Variants in EVA1A observed in about 807,000 individuals in gnomAD.
EVA1A encodes the protein protein eva-1 homolog A.
In EVA1A, 7 loss-of-function variants were observed where a neutral mutation model predicts 9.8. That is an observed-to-expected ratio of 0.71 (90% CI 0.41 to 1.34). EVA1A has a LOEUF of 1.34. Ranked by LOEUF, EVA1A falls within the 40% of genes most tolerant of loss-of-function variation. The probability of loss-of-function intolerance (pLI) is 0.01; values close to 1 mark genes in which losing one functional copy is unlikely to be tolerated. For missense variants in EVA1A, 206 were observed against 205.9 expected (o/e 1.00, Z 0.00); for synonymous variants, 90 against 85.6 (o/e 1.05, Z -0.28).
At chr2:75,507,473 C>T (rs1475203124) in intron 3 of EVA1A, among the ~76,000 whole-genome samples, 3 of 152,152 alleles carry the variant, frequency 2.0e-5, no homozygotes, top group Admixed American at 2.0e-4. Context: ...AATGACTTTG[C>T]CCCTTTCAGT....
chr2:75,509,331 T>C (rs1015420845), intron 3 of EVA1A, among the ~76,000 whole-genome samples: 1 of 152,212 alleles, frequency 6.6e-6, no homozygotes, highest in African/African-American at 2.4e-5. Context: ...TGTAAGATTA[T>C]TGATGGGCTT....
At chr2:75,504,723 G>A (rs1572948990) in intron 3 of EVA1A, among the ~76,000 whole-genome samples, 1 of 149,774 alleles carries the variant, frequency 6.7e-6, no homozygotes, top group African/African-American at 2.5e-5. Flanking sequence ...CAAACACCAC[G>A]TGTTCTCACT....
At chr2:75,543,095 C>T (rs759842742) in intron 1 of EVA1A, among the ~76,000 whole-genome samples, 3 of 152,202 alleles carry the variant, frequency 2.0e-5, no homozygotes, top group Admixed American at 6.5e-5. Flanking sequence ...CCATACCACA[C>T]TGGGCATAAA....
At chr2:75,498,332 G>T (rs1163505292) in intron 3 of EVA1A, among the ~76,000 whole-genome samples, 1 of 151,794 alleles carries the variant, frequency 6.6e-6, no homozygotes, top group Non-Finnish European at 1.5e-5. Context: ...ACTATTAGAG[G>T]GGGAGGGTGG....
chr2:75,559,700 G>GGA (rs1249218820), intron 1 of EVA1A, among the ~76,000 whole-genome samples: 1 of 137,182 alleles, frequency 7.3e-6, no homozygotes, highest in Non-Finnish European at 1.6e-5. Flanking sequence ...AAGGAGGTGG[G>GGA]GGGGGGGCGG....
intron 1 of EVA1A, among the ~76,000 whole-genome samples, chr2:75,527,440 G>A (rs1421011768): frequency 6.6e-6 from 1 of 152,104 alleles, no homozygotes; most frequent in African/African-American, 2.4e-5. Context: ...TCTCCACTGG[G>A]GTGTCAGAGG....
chr2:75,504,032 A>G (rs1300694388), intron 3 of EVA1A, among the ~76,000 whole-genome samples: 1 of 152,170 alleles, frequency 6.6e-6, no homozygotes, highest in Non-Finnish European at 1.5e-5. Context: ...AAATTTTAAA[A>G]AGTGGGCATT....
rs534456930 is a variant in EVA1A, at chr2:75,546,535, C to CA, written c.-192+14144dup. On this transcript the variant is annotated intron_variant, in intron 1 of 3. Coordinates refer to ENST00000393913, the MANE Select transcript of EVA1A (RefSeq NM_001135032.2). ...AAATATAGACAAAATCTTCATGTCC[C>CA]AAGCAGTGTATATACGACGTGGATG... Among the ~76,000 whole-genome samples, 775 of 152,134 alleles carry CA rather than the reference C, an allele frequency of 5.1e-3. 6 individuals are homozygous for CA. Among genetic ancestry groups the CA allele is most frequent in the Middle Eastern group, 0.01 (3 of 292 alleles).
At chr2:75,508,563 A>G (rs1223345257) in intron 3 of EVA1A, among the ~76,000 whole-genome samples, 3 of 151,950 alleles carry the variant, frequency 2.0e-5, no homozygotes, top group Admixed American at 6.6e-5. Context: ...GGTACCCGAA[A>G]CTTCATTAGC....
At chr2:75,515,136 T>C (rs574961406) in intron 3 of EVA1A, among the ~76,000 whole-genome samples, 209 of 152,366 alleles carry the variant, frequency 1.4e-3, no homozygotes, top group African/African-American at 4.9e-3. Flanking sequence ...TTTTGTCCAC[T>C]TTCCTTTTGG....
At chr2:75,508,466 A>T (rs55696118) in intron 3 of EVA1A, among the ~76,000 whole-genome samples, 2,961 of 152,208 alleles carry the variant, frequency 0.019, 35 homozygotes, top group Non-Finnish European at 0.032. Context: ...GCTTATTAGG[A>T]AAAGGAAAAT....
chr2:75,494,151 A>G (rs1383264480), intron 3 of EVA1A, among the ~76,000 whole-genome samples: 1 of 151,878 alleles, frequency 6.6e-6, no homozygotes, highest in Non-Finnish European at 1.5e-5. Flanking sequence ...CTTGGACAAC[A>G]TGGGTTTGAA....
intron 3 of EVA1A, among the ~76,000 whole-genome samples, chr2:75,509,121 C>T (rs1315543814): frequency 2.0e-5 from 3 of 152,116 alleles, no homozygotes; most frequent in Non-Finnish European, 4.4e-5. Flanking sequence ...GTGGTGGACA[C>T]ACAGACACTG....
chr2:75,543,877 T>C (rs981957780), intron 1 of EVA1A, among the ~76,000 whole-genome samples: 6 of 152,228 alleles, frequency 3.9e-5, no homozygotes, highest in Non-Finnish European at 8.8e-5. Context: ...AGATCCCACC[T>C]GAGACCACAA....
At chr2:75,495,385 A>T (rs913662690) in intron 3 of EVA1A, among the ~76,000 whole-genome samples, 1 of 152,140 alleles carries the variant, frequency 6.6e-6, no homozygotes, top group South Asian at 2.1e-4. Context: ...AAATGCTAGG[A>T]CGATTAGGTA....
chr2:75,554,996 T>TCATTCAC (rs1467166602), intron 1 of EVA1A, among the ~76,000 whole-genome samples: 1 of 152,200 alleles, frequency 6.6e-6, no homozygotes, highest in Non-Finnish European at 1.5e-5. Flanking sequence ...GCTAGAGCAT[T>TCATTCAC]CATTCACTCA....
chr2:75,512,832 C>T (rs1302586042), intron 3 of EVA1A, among the ~76,000 whole-genome samples: 1 of 152,186 alleles, frequency 6.6e-6, no homozygotes, highest in Non-Finnish European at 1.5e-5. Context: ...GCCTGCACTT[C>T]TAAGCTGTGA....
At chr2:75,543,833 A>C (rs1315234662) in intron 1 of EVA1A, among the ~76,000 whole-genome samples, 3 of 152,204 alleles carry the variant, frequency 2.0e-5, no homozygotes, top group Non-Finnish European at 4.4e-5. Context: ...TACCTGATCA[A>C]AACAGGGAGG....
At chr2:75,514,152 A>G (rs1247532299) in intron 3 of EVA1A, among the ~76,000 whole-genome samples, 3 of 152,232 alleles carry the variant, frequency 2.0e-5, no homozygotes, top group Non-Finnish European at 2.9e-5. Flanking sequence ...TGGGGCTTGG[A>G]GCCAGTCAAT....
Sources: gnomAD v4.1 joint callset for allele counts (sites outside exome capture counted in the v4.1 genomes callset) on GRCh38, gnomAD v4.1.1 for gene constraint, MANE v1.5 for transcripts, NCBI Gene and HGNC (gene_info 2026-07-23, HGNC 2026-07-21) for gene names.